The following NPIPB11 variants were observed in gnomAD, a reference collection of about 807,000 sequenced individuals.
NPIPB11 encodes nuclear pore complex interacting protein family member B11.
A neutral mutation model predicts 32.8 loss-of-function variants in NPIPB11; 17 were observed. The observed-to-expected ratio is 0.52, with a 90% CI of 0.35 to 0.78. The LOEUF is 0.78. Ranked by LOEUF, NPIPB11 falls within the 30% of genes least tolerant of loss-of-function variation. NPIPB11 has a pLI of 0.01. For synonymous variants in NPIPB11, 209 were observed against 398.4 expected (o/e 0.52, Z 5.66); for missense variants, 537 against 1,000.4 (o/e 0.54, Z 6.25).
Position 29,382,084 on chromosome 16 carries a change from G to A in NPIPB11, c.2848C>T (p.Leu950Phe). Residue 950 changes from leucine (L) to phenylalanine (F), a missense_variant, in exon 8 of 8, where the codon CTT becomes TTT. Coordinates refer to ENST00000524087, the Ensembl canonical transcript of NPIPB11. ...GCTGAGGGTGGAGCTGAGGGTGGAA[G>A]GGGAGTGAGCTGACGTTTGGAAGGT... 5 of 506,046 alleles carry A rather than the reference G, an allele frequency of 9.9e-6. No individual in the cohort carries two copies. The East Asian group carries it at 1.7e-4, about 17-fold the overall frequency. 31.3% of individuals were successfully genotyped at this position (506,046 alleles called of 1,614,324 possible).
At position 29,381,824 on chromosome 16, in the gene NPIPB11, G is replaced by A. The variant is rs373366920; in HGVS notation, c.3108C>T (p.Pro1036=). ...TATCATCTGCTGAGGTTGGAGCTGAGGGTGGAAGGGGAGTGAGCTGACGCT... is the reference window on the plus strand; with the variant it reads ...TATCATCTGCTGAGGTTGGAGCTGAAGGTGGAAGGGGAGTGAGCTGACGCT... The change falls in exon 8 of 8, where the codon CCC becomes CCT. Residue 1036 remains proline, a synonymous_variant. Transcript: ENST00000524087. The A allele has an allele frequency of 1.5e-4, 130 of 840,454 alleles. 19 individuals carry two copies. The East Asian group carries it at 2.5e-3, about 16-fold the overall frequency. The allele number at this position is 840,454 out of a possible 1,614,324, so 52.1% of individuals were successfully genotyped here.
intron 5 of NPIPB11, among the ~76,000 whole-genome samples, chr16:29,389,402 G>A (rs1471339566): frequency 7.1e-6 from 1 of 141,292 alleles, no homozygotes; most frequent in African/African-American, 2.6e-5. Flanking sequence ...GGCTGGCTGT[G>A]GTGGCTCACG....
exon 8 of NPIPB11, chr16:29,383,666 C>T: frequency 4.7e-6 from 2 of 426,118 alleles, no homozygotes; most frequent in Non-Finnish European, 6.1e-6. Flanking sequence ...AGGGTGGAAG[C>T]GGCCCCCGCA....
rs2142114468 is a variant in NPIPB11 at position 29,381,553 on chromosome 16, T to A, written c.3379A>T (p.Lys1127Ter). The A allele has an allele frequency of 8.2e-7, 1 of 1,218,490 alleles. No homozygotes were observed. 75.5% of individuals were successfully genotyped at this position (1,218,490 alleles called of 1,614,324 possible). A position where few individuals can be genotyped will look rare whatever the true frequency, so the allele number is the denominator to read the frequency against. Residue 1127 changes from lysine (K) to a stop codon, truncating the protein, a stop_gained, in exon 8 of 8, where the codon AAG becomes TAG. Transcript: ENST00000524087. LOFTEE classifies it high-confidence loss of function. ...TCCACATCACCGACCCTCCGCCTCT[T>A]GGGTTCGGGTGATGATGGTTCCACG...
intron 2 of NPIPB11, among the ~76,000 whole-genome samples, chr16:29,401,177 A>G (rs1963981982): frequency 6.6e-6 from 1 of 152,036 alleles, no homozygotes; most frequent in Non-Finnish European, 1.5e-5. Flanking sequence ...TAATCTGAGC[A>G]CTCTTGAACC....
chr16:29,391,329 T>C (rs1963718090), intron 3 of NPIPB11, among the ~76,000 whole-genome samples: 1 of 148,010 alleles, frequency 6.8e-6, no homozygotes, highest in African/African-American at 2.5e-5. Flanking sequence ...TTCAACACGG[T>C]TAGATGGTAA....
intron 2 of NPIPB11, among the ~76,000 whole-genome samples, chr16:29,399,254 C>T (rs1275205755): frequency 2.0e-5 from 3 of 151,990 alleles, no homozygotes; most frequent in Non-Finnish European, 1.5e-5. Context: ...CTCACTCAGG[C>T]CTCTGGCAGC....
intron 2 of NPIPB11, among the ~76,000 whole-genome samples, chr16:29,401,803 C>T (rs1433947987): frequency 1.3e-5 from 2 of 152,018 alleles, no homozygotes; most frequent in African/African-American, 4.8e-5. Flanking sequence ...GGAGGCTGCT[C>T]CTTTATTCTC....
chr16:29,383,143 T>A, exon 8 of NPIPB11: 1 of 1,592,978 alleles, frequency 6.3e-7, no homozygotes, highest in Non-Finnish European at 8.5e-7. Context: ...CTTGAGATTA[T>A]CATCCGCTGA....
At chr16:29,406,280 T>G (rs1475027119), upstream of NPIPB11, among the ~76,000 whole-genome samples, 2 of 152,272 alleles carry the variant, frequency 1.3e-5, no homozygotes, top group Admixed American at 1.3e-4. Context: ...TCAAGTGAGG[T>G]GACATTAGAT....
intron 2 of NPIPB11, among the ~76,000 whole-genome samples, chr16:29,397,354 G>C (rs955507608): frequency 6.6e-6 from 1 of 151,330 alleles, no homozygotes; most frequent in Non-Finnish European, 1.5e-5. Context: ...TAACAGGTAC[G>C]CACCACCAGG....
intron 2 of NPIPB11, among the ~76,000 whole-genome samples, chr16:29,399,839 G>A (rs1325402897): frequency 6.6e-6 from 1 of 152,038 alleles, no homozygotes; most frequent in Non-Finnish European, 1.5e-5. Context: ...AGCACTTTGG[G>A]AGGCTGAGGC....
rs1051313550 is a variant in NPIPB11, at chr16:29,397,120, G to A, written c.121-3044C>T. On this transcript the variant is annotated intron_variant, in intron 2 of 7. Transcript: ENST00000524087. The stretch of plus-strand genomic sequence containing the variant: ...CCGGAAGCGGAGGTTGCAGTGAGCC[G>A]AGATCTTGCCACTGCACTCCAGCCT... 4.7e-5 allele frequency among the ~76,000 whole-genome samples: 7 copies of A among 149,110 alleles called. No individual in the cohort carries two copies. The East Asian group carries it at 1.2e-3, about 25-fold the overall frequency.
rs1014698426 is a variant in NPIPB11, at chr16:29,389,995, G to A, written c.491C>T (p.Thr164Met). The A allele has an allele frequency of 4.1e-5, 65 of 1,590,520 alleles. 1 individual carries two copies. The highest frequency in any genetic ancestry group is 3.5e-4 in the African/African-American group (26 of 74,182). The change falls in exon 5 of 8, where the codon ACG (threonine) becomes ATG (methionine). Residue 164 changes from threonine (T) to methionine (M), a missense_variant. Physicochemically the swap from Thr to Met is moderately conservative, Grantham distance 81. Transcript: ENST00000524087. ...GATTTTGTCATGACGGTTGATTTTC[G>A]TTGTCACCTTCCTCTTACGGATTTT...
intron 2 of NPIPB11, among the ~76,000 whole-genome samples, chr16:29,401,622 G>C (rs970651631): frequency 2.0e-5 from 3 of 152,140 alleles, no homozygotes; most frequent in African/African-American, 4.8e-5. Context: ...AGTCCACCGA[G>C]TATTTCAGGT....
At chr16:29,397,978 C>T (rs1963903891) in intron 2 of NPIPB11, among the ~76,000 whole-genome samples, 1 of 94,344 alleles carries the variant, frequency 1.1e-5, no homozygotes, top group Non-Finnish European at 2.0e-5. Context: ...GAGCGTGAGG[C>T]TTAGGAGCAA....
chr16:29,401,178 C>G (rs559065030), intron 2 of NPIPB11, among the ~76,000 whole-genome samples: 2 of 152,130 alleles, frequency 1.3e-5, no homozygotes, highest in Non-Finnish European at 2.9e-5. Context: ...AATCTGAGCA[C>G]TCTTGAACCT....
intron 2 of NPIPB11, among the ~76,000 whole-genome samples, chr16:29,396,054 A>G (rs1324941282): frequency 6.7e-6 from 1 of 148,882 alleles, no homozygotes; most frequent in Non-Finnish European, 1.5e-5. Context: ...AAGATTGTTG[A>G]TATTAATTCC....
chr16:29,394,583 T>C (rs1351025343), intron 2 of NPIPB11, among the ~76,000 whole-genome samples: 1 of 151,528 alleles, frequency 6.6e-6, no homozygotes, highest in Non-Finnish European at 1.5e-5. Flanking sequence ...TACAGGTCTC[T>C]GCCACCATGC....
Sources: gnomAD v4.1 joint callset for allele counts (sites outside exome capture counted in the v4.1 genomes callset) on GRCh38, gnomAD v4.1.1 for gene constraint, MANE v1.5 for transcripts, NCBI Gene and HGNC (gene_info 2026-07-23, HGNC 2026-07-21) for gene names.